Variants in FLYWCH1 observed in about 807,000 individuals in gnomAD.
The protein encoded by FLYWCH1 is FLYWCH-type zinc finger-containing protein 1.
A neutral mutation model predicts 66.4 loss-of-function variants in FLYWCH1; 75 were observed. The observed-to-expected ratio is 1.13, with a 90% CI of 0.94 to 1.37. FLYWCH1 has a LOEUF of 1.37. Ranked by LOEUF, FLYWCH1 falls within the 40% of genes most tolerant of loss-of-function variation. The pLI is 0.00. For synonymous variants in FLYWCH1, 595 were observed against 429.9 expected (o/e 1.38, Z -4.75); for missense variants, 1,334 against 1,001.8 (o/e 1.33, Z -4.48).
rs1454712694 is a variant in FLYWCH1, at chr16:2,938,435, A to C, written c.2029A>C (p.Thr677Pro). 6.5e-7 allele frequency: 1 copy of C among 1,527,332 alleles called. No homozygotes were observed. The highest frequency in any genetic ancestry group is 8.8e-7 in the Non-Finnish European group (1 of 1,138,430). 94.6% of individuals were successfully genotyped at this position (1,527,332 alleles called of 1,614,324 possible). A position where few individuals can be genotyped will look rare whatever the true frequency, so the allele number is the denominator to read the frequency against. ...GAGGCAACGGGAGCGGCTCCCCACC[A>C]CGGCCCAGCAGGAGGACCCAGGTAC... Reference protein sequence around the residue: ...ALRQRERLPTTAQQEDPEKIQ... With the variant: ...ALRQRERLPTPAQQEDPEKIQ... Residue 677 changes from threonine to proline, a missense_variant, in exon 8 of 10, where the codon ACG (threonine) becomes CCG (proline). By Grantham distance (38) the Thr-to-Pro change is conservative. Transcript: ENST00000253928.
intron 9 of FLYWCH1, among the ~76,000 whole-genome samples, chr16:2,946,480 C>A (rs11864834): frequency 0.31 from 46,782 of 151,604 alleles, 9,605 homozygotes; most frequent in African/African-American, 0.57. Flanking sequence ...TGTCACCACA[C>A]CTGGCTAATT....
At chr16:2,936,076 A>AT (rs2070986059) in intron 6 of FLYWCH1, 14 of 243,384 alleles carry the variant, frequency 5.8e-5, no homozygotes, top group South Asian at 5.7e-4. Context: ...CGCCCAGCTA[A>AT]TTTTTTGTAT....
chr16:2,927,156 T>G (rs573394090), intron 2 of FLYWCH1, among the ~76,000 whole-genome samples: 9 of 152,186 alleles, frequency 5.9e-5, no homozygotes, highest in African/African-American at 1.2e-4. Flanking sequence ...GGCGGTGGTG[T>G]TTAATACGTC....
At chr16:2,930,949 A>G (rs1264053738) in intron 4 of FLYWCH1, 69 bp downstream of exon 4, 9 of 1,216,650 alleles carry the variant, frequency 7.4e-6, no homozygotes, top group South Asian at 4.3e-5. Flanking sequence ...CCTCAGCCCA[A>G]ATAGAAATGT....
chr16:2,933,022 C>A, intron 4 of FLYWCH1, 108 bp from the exon 5 acceptor site: 1 of 982,992 alleles, frequency 1.0e-6, no homozygotes, highest in Non-Finnish European at 1.5e-6. Flanking sequence ...GGGTAAATTT[C>A]AGCCTTAAAG....
At position 2,933,330 on chromosome 16, in the gene FLYWCH1, C is replaced by T; in HGVS notation, c.997C>T (p.Pro333Ser). Residue 333 changes from proline (P) to serine (S), a missense_variant, in exon 5 of 10, where the codon CCC (proline) becomes TCC (serine). Physicochemically the swap from Pro to Ser is moderately conservative, Grantham distance 74 (BLOSUM62 -1). Transcript: ENST00000253928. Reference protein sequence around the residue: ...VTVMRGHCHQPDMEGLEARRQ... With the variant: ...VTVMRGHCHQSDMEGLEARRQ... Reference sequence around the variant, plus strand: ...TGTGATGCGTGGGCACTGCCACCAGCCCGATATGGAGGGCCTGGAAGCCCG... The same window carrying T: ...TGTGATGCGTGGGCACTGCCACCAGTCCGATATGGAGGGCCTGGAAGCCCG... The T allele has an allele frequency of 6.2e-7, 1 of 1,609,338 alleles. No individual in the cohort carries two copies. The highest frequency in any genetic ancestry group is 8.5e-7 in the Non-Finnish European group (1 of 1,178,298).
At chr16:2,928,816 C>G (rs779061522) in intron 2 of FLYWCH1, 3 of 152,306 alleles carry the variant, frequency 2.0e-5, no homozygotes, top group Non-Finnish European at 2.9e-5. Context: ...ACCTTTCTGC[C>G]TCTCCAGGCT....
At chr16:2,931,412 CGAG>C (rs1285711701) in intron 4 of FLYWCH1, among the ~76,000 whole-genome samples, 2 of 151,420 alleles carry the variant, frequency 1.3e-5, no homozygotes, top group Non-Finnish European at 2.9e-5. Flanking sequence ...TCACTTGAGC[CGAG>C]GAGTTCAAGA....
Position 2,938,235 on chromosome 16 carries a change from T to G in FLYWCH1, c.1829T>G (p.Leu610Arg), listed in dbSNP as rs540872018. 4 of 1,613,228 alleles carry G rather than the reference T, an allele frequency of 2.5e-6. No homozygotes were observed. The South Asian group carries it at 4.4e-5, about 18-fold the overall frequency. The change falls in exon 8 of 10, where the codon CTG becomes CGG. Residue 610 changes from leucine to arginine, a missense_variant. Physicochemically the swap from Leu to Arg is moderately radical, Grantham distance 102. Coordinates refer to ENST00000253928, the MANE Select transcript of FLYWCH1 (RefSeq NM_001308068.2). Reference sequence around the variant, plus strand: ...AGGACTTCCCTGGGGGGCAGGTTCCTGGTGCACGAGTCCTTCCTCTACAGG... The same window carrying G: ...AGGACTTCCCTGGGGGGCAGGTTCCGGGTGCACGAGTCCTTCCTCTACAGG... ...FLRTSLGGRF[L>R]VHESFLYRKE...
chr16:2,934,275 A>C (rs2070903656), intron 6 of FLYWCH1, among the ~76,000 whole-genome samples: 1 of 152,058 alleles, frequency 6.6e-6, no homozygotes, highest in Non-Finnish European at 1.5e-5. Flanking sequence ...AAGAGTTCAT[A>C]GTAGTAATAG....
intron 6 of FLYWCH1, chr16:2,934,720 C>T (rs1274852384): frequency 1.1e-5 from 5 of 454,128 alleles, no homozygotes; most frequent in Admixed American, 9.5e-5. Context: ...CTGTGATTGT[C>T]TTTCTCTTTT....
chr16:2,918,030 G>T (rs1320534074), intron 2 of FLYWCH1, among the ~76,000 whole-genome samples: 1 of 151,842 alleles, frequency 6.6e-6, no homozygotes, highest in East Asian at 1.9e-4. Context: ...GAAGAGATGG[G>T]GTTTTGCCAT....
chr16:2,934,060 T>C lies in FLYWCH1; in HGVS notation c.1513+81T>C. 2.8e-6 allele frequency: 4 copies of C among 1,411,142 alleles called. No individual in the cohort carries two copies. The South Asian group carries it at 4.4e-5, about 15-fold the overall frequency. The allele number at this position is 1,411,142 out of a possible 1,614,324, so 87.4% of individuals were successfully genotyped here. A position where few individuals can be genotyped will look rare whatever the true frequency, so the allele number is the denominator to read the frequency against. On this transcript the variant is annotated intron_variant, in intron 6 of 9. Coordinates refer to ENST00000253928, the MANE Select transcript of FLYWCH1 (RefSeq NM_001308068.2). ...TGCCTTTCCCTCTCCATGCTGCGGC[T>C]CCCCCTGGCAAACGTCCTCTTCCCT...
chr16:2,934,687 T>A (rs1435974385), intron 6 of FLYWCH1: 1 of 456,286 alleles, frequency 2.2e-6, no homozygotes, highest in Non-Finnish European at 4.4e-6. Context: ...CTCATGGCCC[T>A]AAAGTTCTCT....
rs1411579216 is a variant in FLYWCH1, at chr16:2,933,879, G to A, written c.1413G>A (p.Val471=). ...RSRAITQGRR[V]TVMRGHCHPP... ...GCGCCATCACCCAGGGCCGACGGGTGACTGTCATGCGTGGTCACTGCCACC... is the reference window on the plus strand; with the variant it reads ...GCGCCATCACCCAGGGCCGACGGGTAACTGTCATGCGTGGTCACTGCCACC... Residue 471 remains valine (V), a synonymous_variant, in exon 6 of 10, where the codon GTG becomes GTA. Transcript: ENST00000253928. 1.3e-6 allele frequency: 2 copies of A among 1,597,014 alleles called. No homozygotes were observed. The highest frequency in any genetic ancestry group is 1.8e-5 in the Admixed American group (1 of 56,918).
Position 2,930,028 on chromosome 16 carries a change from G to C in FLYWCH1, c.325+18G>C, listed in dbSNP as rs764743533. On this transcript the variant is annotated intron_variant, in intron 3 of 9. Transcript: ENST00000253928. Reference sequence around the variant, plus strand: ...GGATGCAGGTGAGGTGTGGCTTCCCGCCCCTGCCCAGCCACCCCGTGGGTT... The same window carrying C: ...GGATGCAGGTGAGGTGTGGCTTCCCCCCCCTGCCCAGCCACCCCGTGGGTT... 1 of 1,588,934 alleles carries C rather than the reference G, an allele frequency of 6.3e-7. No individual in the cohort carries two copies. The highest frequency in any genetic ancestry group is 1.1e-5 in the South Asian group (1 of 88,846).
At chr16:2,919,553 C>A (rs923015166) in intron 2 of FLYWCH1, among the ~76,000 whole-genome samples, 1 of 152,028 alleles carries the variant, frequency 6.6e-6, no homozygotes, top group Non-Finnish European at 1.5e-5. Flanking sequence ...CGTGAGCCAC[C>A]GCGTCTGGCC....
chr16:2,933,467 G>GGGTCCC lies in FLYWCH1; in HGVS notation c.1135_1140dup (p.Gly379_Pro380dup), dbSNP rs1567337444. ...ATAGTTTGCTCTACCGCAGGGGTCCGGGTCCCCTGACTCTCACCAGGCCTC... is the reference window on the plus strand; with the variant it reads ...ATAGTTTGCTCTACCGCAGGGGTCCGGGTCCCGGTCCCCTGACTCTCACCAGGCCTC... On this transcript the variant is annotated inframe_insertion, in exon 5 of 10. Transcript: ENST00000253928. 5 of 1,603,200 alleles carry GGGTCCC rather than the reference G, an allele frequency of 3.1e-6. No homozygotes were observed. In the African/African-American group the frequency reaches 5.4e-5, roughly 17 times the overall value.
rs745636200 is a variant in FLYWCH1, at chr16:2,938,324, C to T, written c.1918C>T (p.Arg640Cys). Residue 640 changes from arginine to cysteine, a missense_variant, in exon 8 of 10, where the codon CGC (arginine) becomes TGC (cysteine). By Grantham distance (180) the Arg-to-Cys change is radical. Coordinates refer to ENST00000253928, the MANE Select transcript of FLYWCH1 (RefSeq NM_001308068.2). ...CCGGGACCAGGCTCGGCTGGGCTGC[C>T]GCAGCCGCGCCATAACCCAGGGCCA... ...MCRDQARLGC[R>C]SRAITQGHRI... 3.7e-5 allele frequency: 60 copies of T among 1,607,550 alleles called. No homozygotes were observed. The highest frequency in any genetic ancestry group is 4.6e-5 in the Non-Finnish European group (54 of 1,177,128).
Sources: allele counts gnomAD v4.1 joint callset (sites outside exome capture counted in the v4.1 genomes callset), GRCh38; gene constraint gnomAD v4.1.1; transcripts MANE v1.5; gene names NCBI Gene and HGNC (gene_info 2026-07-23, HGNC 2026-07-21).